The following STAP2 variants were observed in gnomAD, a reference collection of about 807,000 sequenced individuals.
STAP2 encodes signal transducing adaptor family member 2, also known as signal-transducing adaptor protein 2.
A neutral mutation model predicts 52.7 loss-of-function variants in STAP2; 58 were observed. The ratio of observed to expected loss-of-function variants is 1.10; its 90% confidence interval spans 0.89 to 1.37. The LOEUF (loss-of-function observed/expected upper bound fraction) is 1.37, where lower values mean the gene tolerates loss of function less well. STAP2 is among the 40% of genes most tolerant of loss of function. The pLI, the probability that STAP2 is intolerant of heterozygous loss-of-function variation, is 0.00. For synonymous variants in STAP2, 231 were observed against 210.5 expected (o/e 1.10, Z -0.84); for missense variants, 522 against 519.4 (o/e 1.00, Z -0.05).
At chr19:4,330,333 C>T (rs1047588225) in intron 4 of STAP2, among the ~76,000 whole-genome samples, 2 of 151,942 alleles carry the variant, frequency 1.3e-5, no homozygotes, top group Admixed American at 1.3e-4. Context: ...CCAACCTGGG[C>T]AACATGGCGA....
chr19:4,337,852 A>AAAAT (rs1004512055), intron 1 of STAP2, among the ~76,000 whole-genome samples: 1 of 151,626 alleles, frequency 6.6e-6, no homozygotes, highest in African/African-American at 2.4e-5. Flanking sequence ...CTCAGTCTCA[A>AAAAT]AAATAAATAA....
chr19:4,333,703 G>C lies in STAP2; in HGVS notation c.288C>G (p.Ile96Met). 1 of 1,612,062 alleles carries C rather than the reference G, an allele frequency of 6.2e-7. No homozygotes were observed. The highest frequency in any genetic ancestry group is 8.5e-7 in the Non-Finnish European group (1 of 1,179,868). Residue 96 changes from isoleucine (I) to methionine (M), a missense_variant, in exon 3 of 13, where the codon ATC becomes ATG. Physicochemically the swap from Ile to Met is conservative, Grantham distance 10 (BLOSUM62 1). Coordinates refer to ENST00000594605, the MANE Select transcript of STAP2 (RefSeq NM_001013841.2). ...CCAGCAAGGGACCTACCTTGAACTT[G>C]ATCTCCTGATCCCGGAGAATCAGGC... ...HFSLILRDQE[I>M]KFKVETLECR...
At position 4,324,519 on chromosome 19, in the gene STAP2, G is replaced by C; in HGVS notation, c.1083C>G (p.Val361=). 6.4e-7 allele frequency: 1 copy of C among 1,570,328 alleles called. No homozygotes were observed. Residue 361 remains valine, a synonymous_variant, in exon 12 of 13, where the codon GTC becomes GTG. Coordinates refer to ENST00000594605, the MANE Select transcript of STAP2 (RefSeq NM_001013841.2). ...GCTTCCTGCCCAAGCCACCATTAAA[G>C]ACTTTGGGCTCTGGAAGAGAAGACA... is the stretch of plus-strand genomic sequence containing the variant. The part of the protein sequence containing the change: ...PPVGPKPEPK[V]FNGGLGRKLP...
intron 1 of STAP2, among the ~76,000 whole-genome samples, chr19:4,336,139 G>A (rs1353271766): frequency 6.6e-6 from 1 of 151,942 alleles, no homozygotes; most frequent in Non-Finnish European, 1.5e-5. Context: ...AGCTTCTCAA[G>A]TAGCTGGGAT....
chr19:4,327,982 C>T (rs1378866799), intron 6 of STAP2, among the ~76,000 whole-genome samples: 4 of 152,074 alleles, frequency 2.6e-5, no homozygotes, highest in Admixed American at 1.3e-4. Context: ...CCAAAGAGCC[C>T]ATTCCCATCC....
In STAP2 at chr19:4,333,794, C is replaced by G. The variant is rs1971930795; in HGVS notation, c.197G>C (p.Gly66Ala). The G allele has an allele frequency of 6.2e-7, 1 of 1,613,786 alleles. No individual in the cohort carries two copies. The highest frequency in any genetic ancestry group is 1.3e-5 in the African/African-American group (1 of 75,040). The change falls in exon 3 of 13, where the codon GGA becomes GCA. Residue 66 changes from glycine (G) to alanine (A), a missense_variant. Physicochemically the swap from Gly to Ala is moderately conservative, Grantham distance 60. Transcript: ENST00000594605. ...CTCATCTGTGAGTTTCTCAAATGCT[C>G]CCAAGTTGAGCTTCTCCACGTGCTG... ...DFQHVEKLNL[G>A]AFEKLTDEIP...
chr19:4,329,648 G>A (rs1349452840), intron 5 of STAP2, among the ~76,000 whole-genome samples: 2 of 151,654 alleles, frequency 1.3e-5, no homozygotes, highest in African/African-American at 2.4e-5. Context: ...ACTCCTCCCC[G>A]GAGACGAAGC....
chr19:4,332,526 T>C (rs926399516), intron 3 of STAP2, among the ~76,000 whole-genome samples: 7 of 152,064 alleles, frequency 4.6e-5, no homozygotes, highest in African/African-American at 1.7e-4. Context: ...TTTTTGATGT[T>C]ATTATATCAA....
At position 4,324,060 on chromosome 19, in the gene STAP2, T is replaced by C; in HGVS notation, c.*73A>G. 1 of 1,494,530 alleles carries C rather than the reference T, an allele frequency of 6.7e-7. No individual in the cohort carries two copies. Among genetic ancestry groups the C allele is most frequent in the African/African-American group, 1.4e-5 (1 of 72,026 alleles). 92.6% of individuals were successfully genotyped at this position (1,494,530 alleles called of 1,614,324 possible). A position where few individuals can be genotyped will look rare whatever the true frequency, so the allele number is the denominator to read the frequency against. On this transcript the variant is annotated 3_prime_UTR_variant, in exon 13 of 13. Coordinates refer to ENST00000594605, the MANE Select transcript of STAP2 (RefSeq NM_001013841.2). ...CACATGGGTCCTGGGGTCAGAGTTT[T>C]AATCCTGGGAAAAAGAATCTGGCCG...
At chr19:4,328,838 A>T (rs751155372) in intron 5 of STAP2, 29 bp from the exon 6 acceptor site, 10 of 1,601,272 alleles carry the variant, frequency 6.2e-6, no homozygotes, top group Non-Finnish European at 8.5e-6. Context: ...CCCACTCGGG[A>T]CCCCGGAGAC....
rs1329435752 is a variant in STAP2, at chr19:4,332,050, C to T, written c.326G>A (p.Trp109Ter). The stretch of plus-strand genomic sequence containing the variant: ...CACCACCGTTAAGATGAAGCCTTTC[C>T]ACATTTCCCGACACTCCAAGGTCTC... ...KVETLECREM[W>*]KGFILTVVEL... Residue 109 changes from tryptophan to a stop codon, truncating the protein, a stop_gained, in exon 4 of 13, where the codon TGG becomes TAG. Transcript: ENST00000594605. LOFTEE classifies it high-confidence loss of function. The T allele has an allele frequency of 6.2e-7, 1 of 1,613,144 alleles. No individual in the cohort carries two copies. Among genetic ancestry groups the T allele is most frequent in the Non-Finnish European group, 8.5e-7 (1 of 1,179,800 alleles).
chr19:4,333,734 T>G lies in STAP2; in HGVS notation c.257A>C (p.His86Pro), dbSNP rs1195738248. 2.5e-6 allele frequency: 4 copies of G among 1,613,226 alleles called. No homozygotes were observed. Among genetic ancestry groups the G allele is most frequent in the Non-Finnish European group, 2.5e-6 (3 of 1,179,978 alleles). The change falls in exon 3 of 13, where the codon CAC (histidine) becomes CCC (proline). Residue 86 changes from histidine (H) to proline (P), a missense_variant. By Grantham distance (77) the His-to-Pro change is moderately conservative. Coordinates refer to ENST00000594605, the MANE Select transcript of STAP2 (RefSeq NM_001013841.2). ...PWGSSRDPGTHFSLILRDQEI... is the reference protein window; with the variant it reads ...PWGSSRDPGTPFSLILRDQEI... ...CTGATCCCGGAGAATCAGGCTGAAG[T>G]GGGTGCCAGGGTCACGTGAGCTTCC...
Position 4,333,714 on chromosome 19 carries a change from C to G in STAP2, c.277G>C (p.Asp93His), listed in dbSNP as rs7247504. Residue 93 changes from aspartate to histidine, a missense_variant, in exon 3 of 13, where the codon GAT (aspartate) becomes CAT (histidine). Asp to His is a moderately conservative substitution (Grantham distance 81). Transcript: ENST00000594605. ...CCTACCTTGAACTTGATCTCCTGAT[C>G]CCGGAGAATCAGGCTGAAGTGGGTG... ...PGTHFSLILR[D>H]QEIKFKVETL... The G allele has an allele frequency of 4.6e-5, 74 of 1,612,116 alleles. No homozygotes were observed. Among genetic ancestry groups the G allele is most frequent in the Non-Finnish European group, 5.8e-5 (69 of 1,179,846 alleles).
intron 9 of STAP2, among the ~76,000 whole-genome samples, chr19:4,326,237 A>G (rs752845150): frequency 2.6e-5 from 4 of 152,194 alleles, no homozygotes; most frequent in Non-Finnish European, 5.9e-5. Context: ...TGTGCTACAT[A>G]GCATTTGTAT....
At position 4,324,648 on chromosome 19, in the gene STAP2, A is replaced by G. The variant is rs372938150; in HGVS notation, c.1073-119T>C. On this transcript the variant is annotated intron_variant, in intron 11 of 12. Coordinates refer to ENST00000594605, the MANE Select transcript of STAP2 (RefSeq NM_001013841.2). ...GGAGTTCGAGACCAGCCTGGGCAAC[A>G]TGGTGAAACCCCTTCTCTACTAAAA... 11 of 986,424 alleles carry G rather than the reference A, an allele frequency of 1.1e-5. No individual in the cohort carries two copies. In the East Asian group the frequency reaches 1.4e-4, roughly 12 times the overall value. The allele number at this position is 986,424 out of a possible 1,614,324, so 61.1% of individuals were successfully genotyped here. A position where few individuals can be genotyped will look rare whatever the true frequency, so the allele number is the denominator to read the frequency against.
intron 3 of STAP2, among the ~76,000 whole-genome samples, chr19:4,332,397 G>A (rs1210908928): frequency 6.6e-6 from 1 of 150,930 alleles, no homozygotes; most frequent in Non-Finnish European, 1.5e-5. Context: ...TTAGACATGA[G>A]GGTCTCGCTT....
rs1470572155 is a variant in STAP2, at chr19:4,332,048, T to G, written c.328A>C (p.Lys110Gln). 1 of 1,613,068 alleles carries G rather than the reference T, an allele frequency of 6.2e-7. No homozygotes were observed. The highest frequency in any genetic ancestry group is 8.5e-7 in the Non-Finnish European group (1 of 1,179,766). Residue 110 changes from lysine (K) to glutamine (Q), a missense_variant, in exon 4 of 13, where the codon AAA becomes CAA. Lys to Gln is a moderately conservative substitution (Grantham distance 53). Transcript: ENST00000594605. Reference sequence around the variant, plus strand: ...TCCACCACCGTTAAGATGAAGCCTTTCCACATTTCCCGACACTCCAAGGTC... The same window carrying G: ...TCCACCACCGTTAAGATGAAGCCTTGCCACATTTCCCGACACTCCAAGGTC... ...VETLECREMW[K>Q]GFILTVVELR...
Position 4,333,767 on chromosome 19 carries a change from A to G in STAP2, c.224T>C (p.Ile75Thr). The G allele has an allele frequency of 1.2e-6, 2 of 1,613,628 alleles. No homozygotes were observed. Among genetic ancestry groups the G allele is most frequent in the Non-Finnish European group, 1.7e-6 (2 of 1,179,956 alleles). Reference protein sequence around the residue: ...LGAFEKLTDEIPWGSSRDPGT... With the variant: ...LGAFEKLTDETPWGSSRDPGT... ...AGGGTCACGTGAGCTTCCCCAGGGA[A>G]TCTCATCTGTGAGTTTCTCAAATGC... The change falls in exon 3 of 13, where the codon ATT becomes ACT. Residue 75 changes from isoleucine to threonine, a missense_variant. Physicochemically the swap from Ile to Thr is moderately conservative, Grantham distance 89. Coordinates refer to ENST00000594605, the MANE Select transcript of STAP2 (RefSeq NM_001013841.2).
chr19:4,327,631 C>T (rs989726755), intron 6 of STAP2, among the ~76,000 whole-genome samples: 1 of 152,004 alleles, frequency 6.6e-6, no homozygotes, highest in African/African-American at 2.4e-5. Context: ...GACCGACCCA[C>T]CCCCACAGAA....
Sources: gnomAD v4.1 joint callset for allele counts (sites outside exome capture counted in the v4.1 genomes callset) on GRCh38, gnomAD v4.1.1 for gene constraint, MANE v1.5 for transcripts, NCBI Gene and HGNC (gene_info 2026-07-23, HGNC 2026-07-21) for gene names.